FGF13: variants seen among roughly 807,000 people sequenced by gnomAD.
The protein encoded by FGF13 is fibroblast growth factor homologous factor 2.
A neutral mutation model predicts 19.5 loss-of-function variants in FGF13; 2 were observed. The observed-to-expected ratio is 0.10, with a 90% CI of 0.04 to 0.32. The LOEUF is 0.32. FGF13 is among the 10% of genes least tolerant of loss of function. FGF13 has a pLI of 1.00. For synonymous variants in FGF13, 72 were observed against 76.9 expected (o/e 0.94, Z 0.33); for missense variants, 113 against 192.7 (o/e 0.59, Z 2.45).
At chrX:139,163,928 T>C (rs1271511501) in intron 1 of FGF13, among the ~76,000 whole-genome samples, 1 of 110,908 alleles carries the variant, frequency 9.0e-6, no homozygotes, top group African/African-American at 3.3e-5. Context: ...CATGCTTATT[T>C]GGTATGCTTT....
At chrX:138,715,784 C>T (rs2090095659), upstream of FGF13, 1 of 112,393 alleles carries the variant, frequency 8.9e-6, no homozygotes, top group African/African-American at 3.2e-5. Context: ...GATTCCACTC[C>T]TCGTGGGTTC....
chrX:139,087,571 G>GTGTTTTGA (rs1167743349), intron 1 of FGF13, among the ~76,000 whole-genome samples: 1 of 111,882 alleles, frequency 8.9e-6, no homozygotes, highest in Non-Finnish European at 1.9e-5. Flanking sequence ...CATACGCCAT[G>GTGTTTTGA]TGTTTTGATG....
chrX:138,889,111 T>A (rs1247380022), intron 1 of FGF13, among the ~76,000 whole-genome samples: 1 of 111,615 alleles, frequency 9.0e-6, no homozygotes, highest in East Asian at 2.8e-4. Flanking sequence ...AGTGCTCTAA[T>A]GGTGGATACA....
chrX:139,115,674 A>T (rs866877335), intron 1 of FGF13, among the ~76,000 whole-genome samples: 1 of 112,712 alleles, frequency 8.9e-6, no homozygotes, highest in South Asian at 3.6e-4. Flanking sequence ...GATTTCTGTT[A>T]TCTAGAGTTG....
chrX:138,722,324 G>A (rs2090152827), intron 1 of FGF13, among the ~76,000 whole-genome samples: 1 of 111,413 alleles, frequency 9.0e-6, no homozygotes, highest in Admixed American at 9.6e-5. Flanking sequence ...GTATCTATTT[G>A]AATAATCTCC....
chrX:138,793,762 A>G (rs1167980186), intron 3 of FGF13, among the ~76,000 whole-genome samples: 2 of 111,957 alleles, frequency 1.8e-5, no homozygotes, highest in Non-Finnish European at 3.8e-5. Context: ...GGTCCTGTCC[A>G]AGGTCACAGT....
intron 1 of FGF13, among the ~76,000 whole-genome samples, chrX:138,923,775 G>T (rs949465709): frequency 1.9e-4 from 21 of 111,562 alleles, no homozygotes; most frequent in Non-Finnish European, 3.6e-4. Context: ...CTGTCTCTGG[G>T]CCTCTGTGCT....
chrX:138,711,770 C>G (rs772830096), upstream of FGF13: 82 of 640,567 alleles, frequency 1.3e-4, no homozygotes, highest in African/African-American at 1.6e-3. Flanking sequence ...GGGCTGAGCC[C>G]GTAGGCTCGG....
chrX:138,777,188 G>C (rs1162286023), intron 3 of FGF13, among the ~76,000 whole-genome samples: 3 of 111,234 alleles, frequency 2.7e-5, no homozygotes, highest in Non-Finnish European at 3.8e-5. Context: ...GGGAATGGCA[G>C]CAAGGGGACA....
chrX:138,643,767 C>T (rs1239799413), intron 3 of FGF13, among the ~76,000 whole-genome samples: 2 of 111,424 alleles, frequency 1.8e-5, no homozygotes, highest in Non-Finnish European at 3.8e-5. Context: ...TAAAAAACCC[C>T]CTATTAACCT....
intron 3 of FGF13, among the ~76,000 whole-genome samples, chrX:138,839,226 C>G (rs897041651): frequency 2.7e-5 from 3 of 110,675 alleles, no homozygotes; most frequent in Admixed American, 9.6e-5. Flanking sequence ...GCAAGAAAGC[C>G]CTCACTAGAT....
chrX:138,845,861 A>C (rs1602949283), intron 3 of FGF13, among the ~76,000 whole-genome samples: 1 of 112,012 alleles, frequency 8.9e-6, no homozygotes, highest in East Asian at 2.8e-4. Flanking sequence ...GAAATGGCTG[A>C]AGAAGGAACA....
intron 3 of FGF13, among the ~76,000 whole-genome samples, chrX:138,837,339 T>G (rs1311820328): frequency 9.0e-6 from 1 of 111,711 alleles, no homozygotes; most frequent in Non-Finnish European, 1.9e-5. Flanking sequence ...CAGGGAGAGC[T>G]GAGACGTCTG....
rs5931471 is a variant in FGF13, at chrX:138,621,412, A to G, written c.*11438T>C. On this transcript the variant is annotated 3_prime_UTR_variant, in exon 5 of 5. Coordinates refer to ENST00000315930, the MANE Select transcript of FGF13 (RefSeq NM_004114.5). Reference sequence around the variant, plus strand: ...AAAATTTAAAAAACTTGAGACAAACAAAAGTGGAAAAACAACATACCAAAA... The same window carrying G: ...AAAATTTAAAAAACTTGAGACAAACGAAAGTGGAAAAACAACATACCAAAA... 9,721 of 110,901 alleles carry G rather than the reference A, an allele frequency of 0.088. 338 individuals carry two copies. Among genetic ancestry groups the G allele is most frequent in the South Asian group, 0.14 (369 of 2,688 alleles). 9.1% of individuals were successfully genotyped at this position (110,901 alleles called of 1,213,427 possible). A position where few individuals can be genotyped will look rare whatever the true frequency, so the allele number is the denominator to read the frequency against.
At chrX:138,779,296 C>T (rs1160996411) in intron 3 of FGF13, among the ~76,000 whole-genome samples, 1 of 111,943 alleles carries the variant, frequency 8.9e-6, no homozygotes, top group East Asian at 2.8e-4. Flanking sequence ...TCACCAGCAA[C>T]GAAACAAAGC....
chrX:139,110,425 T>C (rs1480600966), intron 1 of FGF13, among the ~76,000 whole-genome samples: 2 of 110,230 alleles, frequency 1.8e-5, no homozygotes, highest in African/African-American at 6.6e-5. Context: ...TTTCCCCTCA[T>C]ACTGCTCTTG....
intron 3 of FGF13, among the ~76,000 whole-genome samples, chrX:138,788,500 G>T (rs779589774): frequency 1.8e-5 from 2 of 112,347 alleles, no homozygotes; most frequent in African/African-American, 6.5e-5. Flanking sequence ...GGTGGAGATT[G>T]TTTGACCTTT....
intron 1 of FGF13, among the ~76,000 whole-genome samples, chrX:138,948,724 T>C (rs1313509294): frequency 1.8e-5 from 2 of 112,105 alleles, no homozygotes; most frequent in East Asian, 2.8e-4. Context: ...TCCTAGCTTA[T>C]AGTTGGAACT....
chrX:138,712,582 T>C (rs765892442), upstream of FGF13, among the ~76,000 whole-genome samples: 1 of 112,080 alleles, frequency 8.9e-6, no homozygotes, highest in East Asian at 2.8e-4. Context: ...CCCTGTGTTA[T>C]ATTTTATTCT....
Sources: allele counts gnomAD v4.1 joint callset (sites outside exome capture counted in the v4.1 genomes callset), GRCh38; gene constraint gnomAD v4.1.1; transcripts MANE v1.5; gene names NCBI Gene and HGNC (gene_info 2026-07-23, HGNC 2026-07-21).